USP35: variants seen among roughly 807,000 people sequenced by gnomAD.
The protein encoded by USP35 is ubiquitin specific peptidase 35, also known as ubiquitin carboxyl-terminal hydrolase 35.
In USP35, 69 loss-of-function variants were observed where a neutral mutation model predicts 83.8. The observed-to-expected ratio is 0.82, with a 90% confidence interval of 0.68 to 1.01. The LOEUF (loss-of-function observed/expected upper bound fraction) is 1.01. USP35 is among the 50% of genes least tolerant of loss of function. USP35 has a pLI of 0.00. For synonymous variants in USP35, 714 were observed against 589.5 expected (o/e 1.21, Z -3.06); for missense variants, 1,503 against 1,362.5 (o/e 1.10, Z -1.62).
chr11:78,210,132 C>T lies in USP35; in HGVS notation c.2277C>T (p.Arg759=). ...GGACATGTGGCTCTGAGGGCTCCCG[C>T]TCCGTCCTGGACCTGGTTAACTACT... is the stretch of plus-strand genomic sequence containing the variant. ...GERTCGSEGS[R]SVLDLVNYFL... Residue 759 remains arginine, a synonymous_variant, in exon 10 of 11, where the codon CGC becomes CGT. Transcript: ENST00000529308. 6.2e-7 allele frequency: 1 copy of T among 1,613,668 alleles called. No homozygotes were observed. The highest frequency in any genetic ancestry group is 8.5e-7 in the Non-Finnish European group (1 of 1,179,790).
the USP35 span, among the ~76,000 whole-genome samples, chr11:78,234,041 A>T: frequency 6.6e-6 from 1 of 152,132 alleles, no homozygotes; most frequent in Non-Finnish European, 1.5e-5. Flanking sequence ...ATCTTTGCTT[A>T]CCTCAAGATC....
At chr11:78,222,523 ATATATT>A in the USP35 span, among the ~76,000 whole-genome samples, 2 of 148,182 alleles carry the variant, frequency 1.3e-5, no homozygotes, top group South Asian at 2.1e-4. Context: ...TATATATAAA[ATATATT>A]TATATATTAA....
At position 78,197,922 on chromosome 11, in the gene USP35, G is replaced by C. The variant is rs774823199; in HGVS notation, c.674-14G>C. On this transcript the variant is annotated splice_polypyrimidine_tract_variant and intron_variant, in intron 2 of 10. Coordinates refer to ENST00000529308, the MANE Select transcript of USP35 (RefSeq NM_020798.4). Reference sequence around the variant, plus strand: ...CTGCCTCCCTGCTAAGCTCAGCCCTGTCCCCTGTTCCAGAGGAGGAGCCAC... The same window carrying C: ...CTGCCTCCCTGCTAAGCTCAGCCCTCTCCCCTGTTCCAGAGGAGGAGCCAC... 3.1e-6 allele frequency: 5 copies of C among 1,613,530 alleles called. No individual in the cohort carries two copies. The East Asian group carries it at 1.1e-4, about 36-fold the overall frequency.
chr11:78,210,798 C>G (rs1863741518), intron 10 of USP35, 54 bp downstream of exon 10: 1 of 1,477,776 alleles, frequency 6.8e-7, no homozygotes, highest in African/African-American at 1.4e-5. Context: ...GGAGTCCAGT[C>G]CCACTACTGG....
intron 4 of USP35, 62 bp from the exon 5 acceptor site, chr11:78,200,071 G>T: frequency 6.4e-7 from 1 of 1,570,042 alleles, no homozygotes. Flanking sequence ...TCTCAGGCTT[G>T]TGATTCTACT....
At chr11:78,200,014 T>C in intron 4 of USP35, 119 bp from the exon 5 acceptor site, 1 of 1,114,446 alleles carries the variant, frequency 9.0e-7, no homozygotes, top group Non-Finnish European at 1.3e-6. Flanking sequence ...CACCTCAGTG[T>C]TGATCCCTCT....
chr11:78,223,878 C>T, the USP35 span, among the ~76,000 whole-genome samples: 39 of 151,966 alleles, frequency 2.6e-4, no homozygotes, highest in Admixed American at 1.7e-3. Context: ...GTGAGGGGTT[C>T]GAGACCAGCT....
At chr11:78,213,516 C>G (rs1182589351) in intron 10 of USP35, 130 bp from the exon 11 acceptor site, 1 of 1,082,084 alleles carries the variant, frequency 9.2e-7, no homozygotes, top group African/African-American at 1.6e-5. Flanking sequence ...TGCCACTGAG[C>G]TGCAATGTCT....
At chr11:78,215,233 C>CTGGAGT (rs1324351174), downstream of USP35, 1 of 152,442 alleles carries the variant, frequency 6.6e-6, no homozygotes, top group Non-Finnish European at 1.5e-5. Flanking sequence ...TTGGAACAGA[C>CTGGAGT]TGGAGTGAGA....
At position 78,200,141 on chromosome 11, in the gene USP35, T is replaced by A. The variant is rs752491296; in HGVS notation, c.945T>A (p.Ser315=). 6.2e-7 allele frequency: 1 copy of A among 1,614,222 alleles called. No individual in the cohort carries two copies. The highest frequency in any genetic ancestry group is 1.1e-5 in the South Asian group (1 of 91,086). The change falls in exon 5 of 11, where the codon TCT becomes TCA. Residue 315 remains serine (S), a synonymous_variant. Coordinates refer to ENST00000529308, the MANE Select transcript of USP35 (RefSeq NM_020798.4). ...VSLTKIEKVF[S]KLLYPIVRGA... ...CAGGGACTCTCTTGTAGGTTTTCTCTAAGCTGCTGTACCCCATCGTCCGGG... is the reference window on the plus strand; with the variant it reads ...CAGGGACTCTCTTGTAGGTTTTCTCAAAGCTGCTGTACCCCATCGTCCGGG...
chr11:78,200,240 G>T lies in USP35; in HGVS notation c.1038+6G>T. On this transcript the variant is annotated splice_donor_region_variant and intron_variant, in intron 5 of 10. Coordinates refer to ENST00000529308, the MANE Select transcript of USP35 (RefSeq NM_020798.4). ...CCCACGAAGCCTTCCACCTGGTAAG[G>T]TCCCCTGCCTGCTGCCCCTGGTGAG... is the stretch of plus-strand genomic sequence containing the variant. The T allele has an allele frequency of 6.2e-7, 1 of 1,613,968 alleles. No individual in the cohort carries two copies. Among genetic ancestry groups the T allele is most frequent in the Non-Finnish European group, 8.5e-7 (1 of 1,179,980 alleles).
At chr11:78,234,441 G>A in the USP35 span, among the ~76,000 whole-genome samples, 2 of 151,964 alleles carry the variant, frequency 1.3e-5, no homozygotes, top group South Asian at 4.1e-4. Flanking sequence ...TAATTTTTGG[G>A]TGAGTGGTGT....
chr11:78,230,405 C>G, the USP35 span, among the ~76,000 whole-genome samples: 2 of 152,226 alleles, frequency 1.3e-5, no homozygotes, highest in Non-Finnish European at 2.9e-5. Flanking sequence ...ACATCAACAC[C>G]TTACACAAAG....
the USP35 span, chr11:78,220,333 T>A: frequency 6.2e-7 from 1 of 1,612,544 alleles, no homozygotes; most frequent in East Asian, 2.2e-5. Context: ...CGGTGGGGGC[T>A]TGGGGAGCTC....
At chr11:78,198,378 C>T (rs760082776) in intron 3 of USP35, among the ~76,000 whole-genome samples, 1 of 151,012 alleles carries the variant, frequency 6.6e-6, no homozygotes, top group African/African-American at 2.5e-5. Flanking sequence ...TGGTGTCAGG[C>T]GTCCTTGGGG....
chr11:78,223,948 G>A, the USP35 span, among the ~76,000 whole-genome samples: 1 of 152,118 alleles, frequency 6.6e-6, no homozygotes, highest in Non-Finnish European at 1.5e-5. Context: ...TGGGCGTGGT[G>A]GCATATGCTT....
intron 6 of USP35, 127 bp downstream of exon 6, chr11:78,200,935 C>T: frequency 7.5e-7 from 1 of 1,333,602 alleles, no homozygotes; most frequent in Non-Finnish European, 1.0e-6. Flanking sequence ...TCTCCCATCA[C>T]CTCCCCAGGT....
At chr11:78,203,800 G>A (rs527527228) in intron 6 of USP35, among the ~76,000 whole-genome samples, 4 of 151,170 alleles carry the variant, frequency 2.6e-5, no homozygotes, top group South Asian at 4.2e-4. Flanking sequence ...GGATGGTCTC[G>A]ATCTTCTGAT....
At chr11:78,221,655 C>T in the USP35 span, 415 of 1,497,302 alleles carry the variant, frequency 2.8e-4, 1 homozygote, top group African/African-American at 5.0e-3. Flanking sequence ...GGCGTCATTC[C>T]AGCGAAGCCC....
Sources: gnomAD v4.1 joint callset for allele counts (sites outside exome capture counted in the v4.1 genomes callset) on GRCh38, gnomAD v4.1.1 for gene constraint, MANE v1.5 for transcripts, NCBI Gene and HGNC (gene_info 2026-07-23, HGNC 2026-07-21) for gene names.